ASPM: variants seen among roughly 807,000 people sequenced by gnomAD.
ASPM encodes the protein assembly factor for spindle microtubules, also known as abnormal spindle-like microcephaly-associated protein.
A neutral mutation model predicts 366.4 loss-of-function variants in ASPM; 256 were observed. That is an observed-to-expected ratio of 0.70 (90% CI 0.63 to 0.77). ASPM has a LOEUF of 0.77. Ranked by LOEUF, ASPM falls within the 30% of genes least tolerant of loss-of-function variation. The pLI, the probability that ASPM is intolerant of heterozygous loss-of-function variation, is 0.00. For synonymous variants in ASPM, 1,414 were observed against 1,342.9 expected (o/e 1.05, Z -1.16); for missense variants, 4,146 against 4,090.4 (o/e 1.01, Z -0.37).
chr1:197,143,748 C>T lies in ASPM; in HGVS notation c.504G>A (p.Arg168=), dbSNP rs780187930. 2 of 1,613,090 alleles carry T rather than the reference C, an allele frequency of 1.2e-6. No individual in the cohort carries two copies. The highest frequency in any genetic ancestry group is 2.2e-5 in the East Asian group (1 of 44,872). The change falls in exon 3 of 28, where the codon AGG becomes AGA. Residue 168 remains arginine, a synonymous_variant. Coordinates refer to ENST00000367409, the MANE Select transcript of ASPM (RefSeq NM_018136.5). ...TATTAACATTCTGAATATTTGAAAC[C>T]CTTCTGTTGTGACTTGTAGAGGCTG... is the stretch of plus-strand genomic sequence containing the variant. The part of the protein sequence containing the change: ...KISASTSHNR[R]VSNIQNVNKT...
At chr1:197,124,074 A>G in intron 13 of ASPM, 36 bp downstream of exon 13, 3 of 1,527,592 alleles carry the variant, frequency 2.0e-6, no homozygotes, top group South Asian at 1.2e-5. Flanking sequence ...ATTTATTAAA[A>G]TATATTGGGT....
intron 19 of ASPM, among the ~76,000 whole-genome samples, chr1:197,094,584 A>G (rs1380476067): frequency 1.3e-5 from 2 of 151,750 alleles, no homozygotes; most frequent in Admixed American, 6.6e-5. Flanking sequence ...GTGGTTAAGA[A>G]GAGAATGTGA....
At chr1:197,091,210 C>T (rs1656777048) in intron 22 of ASPM, among the ~76,000 whole-genome samples, 169 bp from the exon 23 acceptor site, 1 of 146,208 alleles carries the variant, frequency 6.8e-6, no homozygotes, top group African/African-American at 2.5e-5. Context: ...AAAAACCTTT[C>T]CAGTCCATGT....
In ASPM at chr1:197,103,184, C is replaced by G; in HGVS notation, c.6067G>C (p.Ala2023Pro). The G allele has an allele frequency of 6.2e-7, 1 of 1,612,642 alleles. No homozygotes were observed. The highest frequency in any genetic ancestry group is 8.5e-7 in the Non-Finnish European group (1 of 1,179,356). ...QNHLYLKTKA[A>P]VVTLQSAYRG... is the part of the protein sequence containing the mutation. Reference sequence around the variant, plus strand: ...TAAGCTGACTGTAAAGTTACTACAGCTGCTTTTGTTTTCAAATATAAATGA... The same window carrying G: ...TAAGCTGACTGTAAAGTTACTACAGGTGCTTTTGTTTTCAAATATAAATGA... Residue 2023 changes from alanine to proline, a missense_variant, in exon 18 of 28, where the codon GCT becomes CCT. This residue lies in a region of ASPM where 3,624 missense variants were observed against 3,591.7 expected (regional missense o/e 1.01). Transcript: ENST00000367409.
At chr1:197,145,290 T>C (rs567379540) in intron 1 of ASPM, among the ~76,000 whole-genome samples, 4 of 152,274 alleles carry the variant, frequency 2.6e-5, no homozygotes, top group Non-Finnish European at 4.4e-5. Context: ...GTGAAGGGGA[T>C]TGGAGCATTA....
At chr1:197,096,242 A>T in intron 18 of ASPM, 78 bp from the exon 19 acceptor site, 2 of 1,296,904 alleles carry the variant, frequency 1.5e-6, no homozygotes, top group South Asian at 2.4e-5. Context: ...CAGTATAAAG[A>T]CAGTTAAAAT....
chr1:197,124,261 T>C lies in ASPM; in HGVS notation c.3239A>G (p.Lys1080Arg). The C allele has an allele frequency of 6.2e-7, 1 of 1,607,994 alleles. No homozygotes were observed. The highest frequency in any genetic ancestry group is 1.1e-5 in the South Asian group (1 of 90,754). ...GCATGATAGTAGAGATATTGTTTTC[T>C]TTATACTCTTTGTGTGTTTTAGAAA... ...IAFLKHTKSI[K>R]KTISLLSCHS... Residue 1080 changes from lysine (K) to arginine (R), a missense_variant, in exon 13 of 28, where the codon AAG becomes AGG. Lys to Arg is a conservative substitution (Grantham distance 26). This residue lies in a region of ASPM where 3,624 missense variants were observed against 3,591.7 expected (regional missense o/e 1.01). Transcript: ENST00000367409.
intron 15 of ASPM, 33 bp from the exon 16 acceptor site, chr1:197,122,076 T>C: frequency 1.9e-6 from 3 of 1,605,756 alleles, no homozygotes; most frequent in Non-Finnish European, 2.6e-6. Context: ...AAAAACAGAA[T>C]ATCAACAGAG....
chr1:197,145,922 CCA>C (rs1571633488), intron 1 of ASPM, among the ~76,000 whole-genome samples: 1 of 151,616 alleles, frequency 6.6e-6, no homozygotes, highest in East Asian at 1.9e-4. Context: ...AAGGGCCCAC[CCA>C]CAGTTATTGA....
intron 17 of ASPM, among the ~76,000 whole-genome samples, chr1:197,109,253 C>T (rs998662473): frequency 3.3e-5 from 5 of 151,860 alleles, no homozygotes; most frequent in African/African-American, 1.2e-4. Flanking sequence ...CTGAAACTTC[C>T]CAACTCATTA....
intron 1 of ASPM, among the ~76,000 whole-genome samples, chr1:197,144,986 G>A (rs192596008): frequency 6.6e-6 from 1 of 152,206 alleles, no homozygotes; most frequent in East Asian, 1.9e-4. Context: ...AAAAGAGTAA[G>A]TTGAAGTATT....
chr1:197,105,648 A>G (rs1657387079), intron 17 of ASPM, among the ~76,000 whole-genome samples: 1 of 152,010 alleles, frequency 6.6e-6, no homozygotes. Context: ...TACAGGCCTG[A>G]TAATATAAAT....
chr1:197,086,681 T>C (rs1389630120), intron 27 of ASPM, 122 bp downstream of exon 27: 3 of 851,862 alleles, frequency 3.5e-6, no homozygotes, highest in African/African-American at 3.3e-5. Flanking sequence ...CATTCCATTC[T>C]TATTCATATG....
intron 17 of ASPM, 123 bp from the exon 18 acceptor site, chr1:197,105,308 T>G: frequency 2.5e-6 from 2 of 804,070 alleles, no homozygotes; most frequent in Non-Finnish European, 3.9e-6. Context: ...AGAAAACTAA[T>G]TATTTTTGTG....
chr1:197,085,453 T>C (rs925455185), intron 27 of ASPM, among the ~76,000 whole-genome samples: 3 of 152,024 alleles, frequency 2.0e-5, no homozygotes, highest in African/African-American at 7.3e-5. Flanking sequence ...CTCACATAAT[T>C]CCCTACTATA....
chr1:197,105,075 T>A lies in ASPM; in HGVS notation c.4176A>T (p.Arg1392=). ...GAATTGTAACTGTAGCCCAAAGATATCGTTTATAAGATGTAACAGCAATTA... is the reference window on the plus strand; with the variant it reads ...GAATTGTAACTGTAGCCCAAAGATAACGTTTATAAGATGTAACAGCAATTA... ...RMIIAVTSYK[R]YLWATVTIQR... is the part of the protein sequence containing the mutation. Residue 1392 remains arginine, a synonymous_variant, in exon 18 of 28, where the codon CGA becomes CGT. Transcript: ENST00000367409. 1 of 1,610,118 alleles carries A rather than the reference T, an allele frequency of 6.2e-7. No individual in the cohort carries two copies. Among genetic ancestry groups the A allele is most frequent in the Non-Finnish European group, 8.5e-7 (1 of 1,177,402 alleles).
intron 27 of ASPM, 35 bp from the exon 28 acceptor site, chr1:197,084,461 A>G: frequency 6.9e-7 from 1 of 1,446,736 alleles, no homozygotes; most frequent in Non-Finnish European, 9.7e-7. Context: ...GGCATTAATA[A>G]AGTTCTTCTC....
Position 197,103,307 on chromosome 1 carries a change from T to C in ASPM, c.5944A>G (p.Arg1982Gly), listed in dbSNP as rs1327651197. 11 of 1,613,268 alleles carry C rather than the reference T, an allele frequency of 6.8e-6. No individual in the cohort carries two copies. Among genetic ancestry groups the C allele is most frequent in the Non-Finnish European group, 7.6e-6 (9 of 1,179,480 alleles). The change falls in exon 18 of 28, where the codon AGA becomes GGA. Residue 1982 changes from arginine to glycine, a missense_variant. Arg to Gly is a moderately radical substitution (Grantham distance 125). This residue lies in a region of ASPM where 3,624 missense variants were observed against 3,591.7 expected (regional missense o/e 1.01). Coordinates refer to ENST00000367409, the MANE Select transcript of ASPM (RefSeq NM_018136.5). ...KCAIIIQSYY[R>G]MHVQQKKWKI... ...CACTTCTTTTGTTGCACATGCATTC[T>C]ATAGTATGACTGTATGATGATAGCA...
At position 197,090,236 on chromosome 1, in the gene ASPM, A is replaced by G. The variant is rs199422198; in HGVS notation, c.9789T>C (p.Tyr3263=). Residue 3263 remains tyrosine (Y), a synonymous_variant, in exon 24 of 28, where the codon TAT becomes TAC. Coordinates refer to ENST00000367409, the MANE Select transcript of ASPM (RefSeq NM_018136.5). ...TALALHYLLT[Y]KHLSAILEAL... is the part of the protein sequence containing the mutation. ...CCTCAAGAATGGCAGAAAGGTGCTT[A>G]TATGTCAAAAGGTAATGAAGTGCAA... 2.8e-5 allele frequency: 45 copies of G among 1,613,478 alleles called. No homozygotes were observed. The highest frequency in any genetic ancestry group is 3.7e-5 in the Non-Finnish European group (44 of 1,179,706).
Sources: allele counts gnomAD v4.1 joint callset (sites outside exome capture counted in the v4.1 genomes callset), GRCh38; gene constraint gnomAD v4.1.1; regional missense constraint gnomAD v4.1.1; transcripts MANE v1.5; gene names NCBI Gene and HGNC (gene_info 2026-07-23, HGNC 2026-07-21).